Variants in SP140 observed in about 807,000 individuals in gnomAD.
SP140 encodes nuclear body protein SP140.
A neutral mutation model predicts 125.0 loss-of-function variants in SP140; 81 were observed. That is an observed-to-expected ratio of 0.65 (90% confidence interval 0.54 to 0.78). SP140 has a LOEUF of 0.78. SP140 is among the 30% of genes least tolerant of loss of function. SP140 has a pLI of 0.00. For synonymous variants in SP140, 312 were observed against 354.0 expected, an observed-to-expected ratio of 0.88 and a Z score of 1.33; for missense variants, 858 against 1,037.0, an observed-to-expected ratio of 0.83 and a Z score of 2.37.
At chr2:230,265,915 A>T (rs1336266392) in intron 12 of SP140, among the ~76,000 whole-genome samples, 1 of 152,118 alleles carries the variant, frequency 6.6e-6, no homozygotes, top group Non-Finnish European at 1.5e-5. Context: ...GATTATGATA[A>T]AGGAGAAAGG....
Position 230,290,544 on chromosome 2 carries a change from A to G in SP140, c.1805A>G (p.His602Arg), listed in dbSNP as rs770920488. The G allele has an allele frequency of 3.3e-5, 54 of 1,613,570 alleles. No individual in the cohort carries two copies. Among genetic ancestry groups the G allele is most frequent in the Non-Finnish European group, 4.5e-5 (53 of 1,179,718 alleles). The part of the protein sequence containing the change: ...VTCGGVKGIL[H>R]KKKLQQGILV... ...TGTGGTGGGGTGAAGGGAATTTTAC[A>G]TAAGAAGAAATTGCAGCAAGGTAGG... Residue 602 changes from histidine (H) to arginine (R), a missense_variant, in exon 19 of 27, where the codon CAT becomes CGT. His to Arg is a conservative substitution (Grantham distance 29, BLOSUM62 0). This residue lies in a region of SP140 where 791 missense variants were observed against 869.5 expected (regional missense o/e 0.91). Transcript: ENST00000392045.
chr2:230,274,492 C>G (rs764094821), intron 15 of SP140, among the ~76,000 whole-genome samples: 1 of 152,024 alleles, frequency 6.6e-6, no homozygotes, highest in Admixed American at 6.6e-5. Flanking sequence ...GGCAGCCTTC[C>G]GAAGCTGGAA....
rs1357929167 is a variant in SP140, at chr2:230,247,863, G to A, written c.743-53G>A. On this transcript the variant is annotated intron_variant, in intron 7 of 26. Transcript: ENST00000392045. ...TCTCCATCATGCTCACTAATCTAGT[G>A]AAATTATATGGAAATTACATACACT... is the stretch of plus-strand genomic sequence containing the variant. 15 of 1,576,828 alleles carry A rather than the reference G, an allele frequency of 9.5e-6. No homozygotes were observed. In the East Asian group the frequency reaches 2.9e-4, roughly 31 times the overall value.
intron 15 of SP140, among the ~76,000 whole-genome samples, chr2:230,271,273 G>A (rs2053879560): frequency 6.6e-6 from 1 of 152,134 alleles, no homozygotes; most frequent in African/African-American, 2.4e-5. Flanking sequence ...TGAAAGTGTT[G>A]GCATGCCTTT....
In SP140 at chr2:230,292,801, C is replaced by T; in HGVS notation, c.1968+13C>T. On this transcript the variant is annotated intron_variant, in intron 20 of 26. Coordinates refer to ENST00000392045, the MANE Select transcript of SP140 (RefSeq NM_007237.5). ...ATGGCTGATGGAGGTATTCCAATGA[C>T]AAGGGGCCAGGCCTGTGTTCCTTCT... The T allele has an allele frequency of 6.2e-7, 1 of 1,613,628 alleles. No homozygotes were observed. The highest frequency in any genetic ancestry group is 8.5e-7 in the Non-Finnish European group (1 of 1,179,952).
chr2:230,247,930 G>T lies in SP140; in HGVS notation c.757G>T (p.Gly253Trp). ...PYDTEVLESN[G>W]MIDAARTYST... ...TTGATCCCTAGTTCTAGAAAGCAAC[G>T]GGATGATAGATGCGGCAAGGACATA... Residue 253 changes from glycine (G) to tryptophan (W), a missense_variant, in exon 8 of 27, where the codon GGG (glycine) becomes TGG (tryptophan). Gly to Trp is a radical substitution (Grantham distance 184). This residue lies in a region of SP140 where 791 missense variants were observed against 869.5 expected (regional missense o/e 0.91). Transcript: ENST00000392045. 6.2e-7 allele frequency: 1 copy of T among 1,613,456 alleles called. No homozygotes were observed. Among genetic ancestry groups the T allele is most frequent in the Non-Finnish European group, 8.5e-7 (1 of 1,179,680 alleles).
intron 3 of SP140, chr2:230,219,586 G>A (rs11679983): frequency 0.13 from 20,108 of 152,136 alleles, 1,605 homozygotes; most frequent in South Asian, 0.21. Context: ...GATAACAGAT[G>A]AGCCGCCTAT....
At chr2:230,206,598 TATATA>T (rs2043855081) in intron 1 of SP140, among the ~76,000 whole-genome samples, 6 of 31,310 alleles carry the variant, frequency 1.9e-4, no homozygotes, top group Non-Finnish European at 1.7e-4. Flanking sequence ...CCAGATTTTA[TATATA>T]TATATATATA....
chr2:230,212,742 G>A (rs199743792), intron 1 of SP140: 10 of 1,613,740 alleles, frequency 6.2e-6, no homozygotes, highest in Middle Eastern at 3.4e-4. Flanking sequence ...ACAGGTGTTG[G>A]ATGGGATCTG....
chr2:230,273,206 T>G lies in SP140; in HGVS notation c.1498+2567T>G, dbSNP rs186475434. Among the ~76,000 whole-genome samples, 138 of 152,228 alleles carry G rather than the reference T, an allele frequency of 9.1e-4. No individual in the cohort carries two copies. In the East Asian group the frequency reaches 0.017, roughly 19 times the overall value. Reference sequence around the variant, plus strand: ...TTGCAAACTATGCATCTGACAAAGATCTAACATCCAGCATCTGTAAGGTAC... The same window carrying G: ...TTGCAAACTATGCATCTGACAAAGAGCTAACATCCAGCATCTGTAAGGTAC... On this transcript the variant is annotated intron_variant, in intron 15 of 26. Transcript: ENST00000392045.
At chr2:230,311,387 G>A in intron 25 of SP140, 65 bp from the exon 26 acceptor site, 2 of 1,611,938 alleles carry the variant, frequency 1.2e-6, no homozygotes, top group Non-Finnish European at 1.7e-6. Flanking sequence ...GGATTTTATG[G>A]GAATCCACAG....
At chr2:230,246,480 AG>A (rs2049469172) in intron 7 of SP140, among the ~76,000 whole-genome samples, 1 of 152,200 alleles carries the variant, frequency 6.6e-6, no homozygotes, top group South Asian at 2.1e-4. Flanking sequence ...TATTTTCTCG[AG>A]GTTATGCCAA....
intron 6 of SP140, 116 bp downstream of exon 6, chr2:230,245,196 T>A: frequency 1.5e-6 from 1 of 686,784 alleles, no homozygotes; most frequent in Non-Finnish European, 2.5e-6. Context: ...GTTCAGCCTG[T>A]GGTTGTTTTC....
intron 12 of SP140, among the ~76,000 whole-genome samples, chr2:230,265,792 G>C (rs79777754): frequency 1.9e-5 from 1 of 52,154 alleles, no homozygotes; most frequent in East Asian, 3.1e-4. Context: ...CAGTTTTACG[G>C]GGGGGGGCGG....
At chr2:230,296,240 C>CA (rs1006445644) in intron 21 of SP140, among the ~76,000 whole-genome samples, 7 of 151,884 alleles carry the variant, frequency 4.6e-5, no homozygotes, top group Non-Finnish European at 1.0e-4. Context: ...GACTCTGTCT[C>CA]AAAAAATAAA....
Position 230,238,281 on chromosome 2 carries a change from G to A in SP140, c.306G>A (p.Leu102=), listed in dbSNP as rs2149110592. Residue 102 remains leucine (L), a synonymous_variant, in exon 3 of 27, where the codon CTG becomes CTA. Transcript: ENST00000392045. ...TRVMYCVLSE[L]EKTFGWSHLE... ...TGATGTATTGTGTACTCAGTGAACT[G>A]GAGAAGACATTTGGCTGGTCACATC... The A allele has an allele frequency of 1.9e-6, 3 of 1,613,714 alleles. No individual in the cohort carries two copies. Among genetic ancestry groups the A allele is most frequent in the East Asian group, 2.2e-5 (1 of 44,864 alleles).
At chr2:230,296,048 G>A (rs1045237519) in intron 21 of SP140, among the ~76,000 whole-genome samples, 3 of 150,134 alleles carry the variant, frequency 2.0e-5, no homozygotes, top group Admixed American at 2.0e-4. Context: ...AGACCAACCT[G>A]AGCAACATAG....
chr2:230,247,422 A>G (rs1574989161), intron 7 of SP140, among the ~76,000 whole-genome samples: 1 of 151,958 alleles, frequency 6.6e-6, no homozygotes, highest in Non-Finnish European at 1.5e-5. Context: ...CACCCCATCA[A>G]CCATCCAGTA....
At chr2:230,286,542 C>T (rs1471134380) in intron 17 of SP140, among the ~76,000 whole-genome samples, 1 of 152,206 alleles carries the variant, frequency 6.6e-6, no homozygotes, top group East Asian at 1.9e-4. Context: ...GGTTGATGCA[C>T]AATCACTAGC....
Sources: gnomAD v4.1 joint callset for allele counts (sites outside exome capture counted in the v4.1 genomes callset) on GRCh38, gnomAD v4.1.1 for gene constraint, gnomAD v4.1.1 regional missense constraint, MANE v1.5 for transcripts, NCBI Gene and HGNC (gene_info 2026-07-23, HGNC 2026-07-21) for gene names.